Variants in ASAP3 observed in about 807,000 individuals in gnomAD.
ASAP3 encodes the protein arf-GAP with SH3 domain, ANK repeat and PH domain-containing protein 3.
In ASAP3, 85 loss-of-function variants were observed where a neutral mutation model predicts 118.2. That is an observed-to-expected ratio of 0.72 (90% confidence interval 0.60 to 0.86). The LOEUF (loss-of-function observed/expected upper bound fraction) is 0.86. ASAP3 is among the 40% of genes least tolerant of loss of function. ASAP3 has a pLI of 0.00. For synonymous variants in ASAP3, 432 were observed against 477.4 expected (o/e 0.90, Z 1.24); for missense variants, 1,026 against 1,175.0 (o/e 0.87, Z 1.85).
At position 23,438,032 on chromosome 1, in the gene ASAP3, C is replaced by T. The variant is rs1640738543; in HGVS notation, c.1103-560G>A. Among the ~76,000 whole-genome samples the T allele has an allele frequency of 6.6e-6, 1 of 152,090 alleles. No homozygotes were observed. Among genetic ancestry groups the T allele is most frequent in the African/African-American group, 2.4e-5 (1 of 41,410 alleles). On this transcript the variant is annotated intron_variant, in intron 12 of 24. Transcript: ENST00000336689. The surrounding 1 kb of genome is among the most constrained non-coding windows in gnomAD (Gnocchi z 4.9). ...TCATCTCTCACTCTGCTACATGAAC[C>T]CTCCACTCTGGCCAAACCGGCCAGA...
At chr1:23,464,267 A>C (rs958564951) in intron 1 of ASAP3, among the ~76,000 whole-genome samples, 2 of 148,626 alleles carry the variant, frequency 1.3e-5, no homozygotes, top group African/African-American at 5.0e-5. Flanking sequence ...GCTCACTGCA[A>C]CCTCCACTTC....
In ASAP3 at chr1:23,441,693, A is replaced by T. The variant is rs777448053; in HGVS notation, c.709T>A (p.Phe237Ile). ...QDGWKAAQSLFPFIEKLAASV... is the reference protein window; with the variant it reads ...QDGWKAAQSLIPFIEKLAASV... ...GCCGCCAGCTTCTCGATGAAGGGGAACAGGCTCTGGGCAGCCTTCCAGCCA... is the reference window on the plus strand; with the variant it reads ...GCCGCCAGCTTCTCGATGAAGGGGATCAGGCTCTGGGCAGCCTTCCAGCCA... The change falls in exon 8 of 25, where the codon TTC becomes ATC. Residue 237 changes from phenylalanine to isoleucine, a missense_variant. Physicochemically the swap from Phe to Ile is conservative, Grantham distance 21 (BLOSUM62 0). Coordinates refer to ENST00000336689, the MANE Select transcript of ASAP3 (RefSeq NM_017707.4). The T allele has an allele frequency of 1.2e-6, 2 of 1,614,084 alleles. No homozygotes were observed. Among genetic ancestry groups the T allele is most frequent in the African/African-American group, 2.7e-5 (2 of 74,932 alleles).
chr1:23,481,986 CCCCACAGTAAAATATAA>C (rs1290914438), intron 1 of ASAP3, among the ~76,000 whole-genome samples: 5 of 152,174 alleles, frequency 3.3e-5, no homozygotes, highest in Non-Finnish European at 5.9e-5. Context: ...TCCCTGTGAG[CCCCACAGTAAAATATAA>C]CCCACATCCA....
chr1:23,451,595 G>T, intron 4 of ASAP3, 67 bp from the exon 5 acceptor site: 1 of 1,545,866 alleles, frequency 6.5e-7, no homozygotes, highest in Non-Finnish European at 8.9e-7. Context: ...AGTATGCTCT[G>T]CTGCCTGTAG....
chr1:23,468,404 T>C (rs1305065001), intron 1 of ASAP3, among the ~76,000 whole-genome samples: 1 of 152,196 alleles, frequency 6.6e-6, no homozygotes, highest in Non-Finnish European at 1.5e-5. Flanking sequence ...TTCTTTCCCA[T>C]ATTTTTCAAT....
chr1:23,437,311 T>C lies in ASAP3; in HGVS notation c.1161A>G (p.Ser387=). Reference sequence around the variant, plus strand: ...CTTCGTCCTTGCTGTTCTGCAACACTGACACCCACCTGCGGAGATTGAACG... The same window carrying C: ...CTTCGTCCTTGCTGTTCTGCAACACCGACACCCACCTGCGGAGATTGAACG... ...EDEHECEAWV[S]VLQNSKDEAL... is the part of the protein sequence containing the mutation. The change falls in exon 14 of 25, where the codon TCA becomes TCG. Residue 387 remains serine, a synonymous_variant. Transcript: ENST00000336689. This position sits in a 1 kb window ranked among gnomAD's most constrained non-coding sequence, Gnocchi z 6.1. 6.2e-7 allele frequency: 1 copy of C among 1,610,344 alleles called. No homozygotes were observed. Among genetic ancestry groups the C allele is most frequent in the Non-Finnish European group, 8.5e-7 (1 of 1,178,014 alleles).
rs77955336 is a variant in ASAP3 at position 23,451,027 on chromosome 1, G to A, written c.473+452C>T. ...GATATACCAACTGACACTGAGGAAC[G>A]AGGAGCAAGGGGCATAAACCCCAGT... On this transcript the variant is annotated intron_variant, in intron 5 of 24. Transcript: ENST00000336689. Among the ~76,000 whole-genome samples, 377 of 152,312 alleles carry A rather than the reference G, an allele frequency of 2.5e-3. 2 individuals carry two copies. The highest frequency in any genetic ancestry group is 8.8e-3 in the African/African-American group (367 of 41,564).
At chr1:23,434,728 C>G (rs999001629) in intron 17 of ASAP3, 110 bp from the exon 18 acceptor site, 1 of 1,058,160 alleles carries the variant, frequency 9.5e-7, no homozygotes, top group African/African-American at 1.6e-5. Context: ...AGGAAGCTGC[C>G]AGAACCCTGG....
chr1:23,462,690 C>CTCCG, intron 1 of ASAP3, among the ~76,000 whole-genome samples: 1 of 152,054 alleles, frequency 6.6e-6, no homozygotes, highest in Middle Eastern at 3.4e-3. Context: ...ACCTGGGAGG[C>CTCCG]GGAGGCTGCA....
chr1:23,451,290 C>T (rs992510032), intron 5 of ASAP3, among the ~76,000 whole-genome samples, 189 bp downstream of exon 5: 1 of 152,172 alleles, frequency 6.6e-6, no homozygotes, highest in African/African-American at 2.4e-5. Flanking sequence ...ACAATAGCTC[C>T]TTTGGTGGTC....
chr1:23,482,112 A>C (rs965326337), intron 1 of ASAP3, among the ~76,000 whole-genome samples: 6 of 152,242 alleles, frequency 3.9e-5, no homozygotes, highest in Non-Finnish European at 7.3e-5. Flanking sequence ...GTAGTAGGCT[A>C]GGCTCCGTGA....
chr1:23,484,019 G>C lies in ASAP3; in HGVS notation c.115C>G (p.Leu39Val). The C allele has an allele frequency of 4.6e-6, 6 of 1,298,240 alleles. No homozygotes were observed. The highest frequency in any genetic ancestry group is 5.9e-6 in the Non-Finnish European group (6 of 1,024,844). 80.4% of individuals were successfully genotyped at this position (1,298,240 alleles called of 1,614,324 possible). A position where few individuals can be genotyped will look rare whatever the true frequency, so the allele number is the denominator to read the frequency against. Residue 39 changes from leucine to valine, a missense_variant, in exon 1 of 25, where the codon CTG becomes GTG. Coordinates refer to ENST00000336689, the MANE Select transcript of ASAP3 (RefSeq NM_017707.4). Reference sequence around the variant, plus strand: ...GGCCCCCTCACCTCCTCCCGCGCCAGCGCCGCCCCTCGGTACCGGGGCATC... The same window carrying C: ...GGCCCCCTCACCTCCTCCCGCGCCACCGCCGCCCCTCGGTACCGGGGCATC... ...AKMPRYRGAA[L>V]AREEILEGDQ...
At chr1:23,433,785 G>A (rs895149127) in intron 19 of ASAP3, 92 bp from the exon 20 acceptor site, 1 of 1,527,890 alleles carries the variant, frequency 6.5e-7, no homozygotes, top group Admixed American at 1.9e-5. Context: ...AGAATGTATG[G>A]GTTTGAATCC....
intron 10 of ASAP3, among the ~76,000 whole-genome samples, chr1:23,440,329 G>A (rs571107874): frequency 1.4e-3 from 199 of 146,104 alleles, no homozygotes; most frequent in African/African-American, 4.1e-3. Context: ...GTGAAACCCC[G>A]TCTCTACTAA....
chr1:23,480,655 T>C (rs760283957), intron 1 of ASAP3, among the ~76,000 whole-genome samples: 2 of 152,230 alleles, frequency 1.3e-5, no homozygotes, highest in African/African-American at 2.4e-5. Context: ...AGCATCTTTA[T>C]GTCCTTAGTG....
intron 1 of ASAP3, among the ~76,000 whole-genome samples, chr1:23,456,719 A>G (rs541103583): frequency 3.3e-5 from 5 of 152,336 alleles, no homozygotes; most frequent in African/African-American, 1.2e-4. Context: ...AGCAGGGTAC[A>G]CTTGTTCACC....
intron 1 of ASAP3, among the ~76,000 whole-genome samples, chr1:23,478,230 C>T (rs776137378): frequency 2.6e-5 from 4 of 152,156 alleles, no homozygotes; most frequent in Non-Finnish European, 4.4e-5. Context: ...TTTGGGAAGC[C>T]GAGGTGGGTG....
At chr1:23,455,360 C>A (rs1261820492) in intron 3 of ASAP3, among the ~76,000 whole-genome samples, 1 of 152,178 alleles carries the variant, frequency 6.6e-6, no homozygotes, top group East Asian at 1.9e-4. Flanking sequence ...ACCAAGGAGG[C>A]CATCGGGAAG....
intron 9 of ASAP3, 46 bp downstream of exon 9, chr1:23,441,341 G>A (rs1640866619): frequency 1.2e-6 from 2 of 1,608,032 alleles, no homozygotes; most frequent in South Asian, 2.2e-5. Context: ...CCTCCACGGT[G>A]GGCCTTGGGG....
Sources: gnomAD v4.1 joint callset for allele counts (sites outside exome capture counted in the v4.1 genomes callset) on GRCh38, gnomAD v4.1.1 for gene constraint, Gnocchi (gnomAD v3.1) non-coding constraint, MANE v1.5 for transcripts, NCBI Gene and HGNC (gene_info 2026-07-23, HGNC 2026-07-21) for gene names.